Variants in YTHDF2 observed in about 807,000 individuals in gnomAD.
YTHDF2 encodes YTH domain-containing family protein 2.
A neutral mutation model predicts 50.4 loss-of-function variants in YTHDF2; 2 were observed. That is an observed-to-expected ratio of 0.04 (90% CI 0.02 to 0.12). YTHDF2 has a LOEUF of 0.12. Ranked by LOEUF, YTHDF2 falls within the 10% of genes least tolerant of loss-of-function variation. The pLI, the probability that YTHDF2 is intolerant of heterozygous loss-of-function variation, is 1.00. For missense variants in YTHDF2, 483 were observed against 722.6 expected (o/e 0.67, Z 3.80); for synonymous variants, 217 against 255.6 (o/e 0.85, Z 1.44).
At chr1:28,763,354 A>T (rs979820242) in intron 4 of YTHDF2, among the ~76,000 whole-genome samples, 1 of 151,154 alleles carries the variant, frequency 6.6e-6, no homozygotes, top group African/African-American at 2.4e-5. Flanking sequence ...GCTCGCTGCA[A>T]CCTCTGCCCC....
At chr1:28,737,325 G>C in intron 1 of YTHDF2, 178 bp downstream of exon 1, 3 of 813,376 alleles carry the variant, frequency 3.7e-6, no homozygotes, top group Non-Finnish European at 5.4e-6. Flanking sequence ...TGTTCTTCCC[G>C]CTTCTCCTCG....
At chr1:28,758,691 T>G (rs1290161575) in intron 4 of YTHDF2, among the ~76,000 whole-genome samples, 1 of 152,210 alleles carries the variant, frequency 6.6e-6, no homozygotes, top group African/African-American at 2.4e-5. Flanking sequence ...ACTGTCATGT[T>G]ATACATGAAC....
chr1:28,752,830 C>T (rs182088723), intron 4 of YTHDF2, among the ~76,000 whole-genome samples: 1 of 151,896 alleles, frequency 6.6e-6, no homozygotes, highest in African/African-American at 2.4e-5. Context: ...ATTGCCTGAG[C>T]TCAGGAGTTT....
At chr1:28,740,877 G>A (rs1364598566) in intron 3 of YTHDF2, among the ~76,000 whole-genome samples, 1 of 151,142 alleles carries the variant, frequency 6.6e-6, no homozygotes, top group Admixed American at 6.6e-5. Context: ...CTAATTTTTT[G>A]TATTTTTGCT....
At chr1:28,762,870 C>G (rs1375436053) in intron 4 of YTHDF2, among the ~76,000 whole-genome samples, 1 of 152,008 alleles carries the variant, frequency 6.6e-6, no homozygotes, top group African/African-American at 2.4e-5. Context: ...CAGAATCTAG[C>G]TCTGTTGGCT....
intron 4 of YTHDF2, among the ~76,000 whole-genome samples, chr1:28,767,352 TTAAATA>T (rs1202518837): frequency 6.6e-6 from 1 of 152,150 alleles, no homozygotes; most frequent in Non-Finnish European, 1.5e-5. Context: ...GCCAACTAAC[TTAAATA>T]TAAACATGTT....
At chr1:28,742,100 A>C (rs958893100) in intron 3 of YTHDF2, among the ~76,000 whole-genome samples, 1 of 143,596 alleles carries the variant, frequency 7.0e-6, no homozygotes, top group Admixed American at 7.4e-5. Context: ...CACAGGCTGG[A>C]GTGCAGTGGT....
intron 4 of YTHDF2, among the ~76,000 whole-genome samples, chr1:28,747,732 A>G (rs1175266283): frequency 6.6e-6 from 1 of 150,610 alleles, no homozygotes; most frequent in African/African-American, 2.4e-5. Context: ...AAGACTCTTG[A>G]TAAGTGAGTA....
At position 28,736,961 on chromosome 1, in the gene YTHDF2, C is replaced by T. The variant is rs570864474; in HGVS notation, c.-160C>T. ...GGCTAGAGCGTCGCCGAGTCGGAGCCGGAGCCTGAGCCGCGCGCTGTGTCT... is the reference window on the plus strand; with the variant it reads ...GGCTAGAGCGTCGCCGAGTCGGAGCTGGAGCCTGAGCCGCGCGCTGTGTCT... On this transcript the variant is annotated 5_prime_UTR_variant, in exon 1 of 5. Coordinates refer to ENST00000373812, the MANE Select transcript of YTHDF2 (RefSeq NM_016258.3). The T allele has an allele frequency of 3.1e-4, 264 of 863,608 alleles. No individual in the cohort carries two copies. In the African/African-American group the frequency reaches 3.9e-3, roughly 13 times the overall value. The allele number at this position is 863,608 out of a possible 1,614,324, so 53.5% of individuals were successfully genotyped here.
At chr1:28,762,140 C>T (rs2088145460) in intron 4 of YTHDF2, among the ~76,000 whole-genome samples, 1 of 152,192 alleles carries the variant, frequency 6.6e-6, no homozygotes, top group Non-Finnish European at 1.5e-5. Flanking sequence ...CGCTTGTAAT[C>T]CCAGCACTTT....
In YTHDF2 at chr1:28,743,131, C is replaced by T. The variant is rs2087805468; in HGVS notation, c.861C>T (p.Ala287=). 3.7e-6 allele frequency: 6 copies of T among 1,614,124 alleles called. No homozygotes were observed. The highest frequency in any genetic ancestry group is 1.3e-5 in the African/African-American group (1 of 75,042). ...ATAACAAGGGTCCCGTTGCAAAAGCCCCCTCACAGGCTTTGGTTCAGAATA... is the reference window on the plus strand; with the variant it reads ...ATAACAAGGGTCCCGTTGCAAAAGCTCCCTCACAGGCTTTGGTTCAGAATA... ...TWDNKGPVAK[A]PSQALVQNIG... The change falls in exon 4 of 5, where the codon GCC becomes GCT. Residue 287 remains alanine (A), a synonymous_variant. Transcript: ENST00000373812. The surrounding 1 kb of genome is among the most constrained non-coding windows in gnomAD (Gnocchi z 6.9).
chr1:28,762,800 T>C (rs990173997), intron 4 of YTHDF2, among the ~76,000 whole-genome samples: 1 of 152,208 alleles, frequency 6.6e-6, no homozygotes, highest in African/African-American at 2.4e-5. Context: ...TTTGTATATT[T>C]CCTCCAGAGA....
rs2088277421 is a variant in YTHDF2 at position 28,769,729 on chromosome 1, T to A, written c.*777T>A. On this transcript the variant is annotated 3_prime_UTR_variant, in exon 5 of 5. Transcript: ENST00000373812. ...TGAGGAAAGGGCATTGCCTTTCTTTTTACCATTAATCACTTCTCAATAAAC... is the reference window on the plus strand; with the variant it reads ...TGAGGAAAGGGCATTGCCTTTCTTTATACCATTAATCACTTCTCAATAAAC... 6.5e-6 allele frequency: 1 copy of A among 152,692 alleles called. No individual in the cohort carries two copies. Among genetic ancestry groups the A allele is most frequent in the Admixed American group, 6.5e-5 (1 of 15,274 alleles). 9.5% of individuals were successfully genotyped at this position (152,692 alleles called of 1,614,324 possible). A position where few individuals can be genotyped will look rare whatever the true frequency, so the allele number is the denominator to read the frequency against.
chr1:28,737,579 G>C, intron 1 of YTHDF2, 79 bp from the exon 2 acceptor site: 1 of 1,598,832 alleles, frequency 6.3e-7, no homozygotes, highest in Non-Finnish European at 8.6e-7. Flanking sequence ...CTCCCTTCGG[G>C]CCCTGCCTTA....
chr1:28,751,223 A>G (rs1278219388), intron 4 of YTHDF2, among the ~76,000 whole-genome samples: 2 of 151,814 alleles, frequency 1.3e-5, no homozygotes, highest in African/African-American at 4.8e-5. Flanking sequence ...TTACCACTGC[A>G]CTCCAGCCTG....
chr1:28,764,591 T>G (rs2088189616), intron 4 of YTHDF2, among the ~76,000 whole-genome samples: 1 of 150,892 alleles, frequency 6.6e-6, no homozygotes, highest in Non-Finnish European at 1.5e-5. Flanking sequence ...TTATTTTTAG[T>G]AGAGATGGGG....
chr1:28,762,512 A>C (rs1467016165), intron 4 of YTHDF2, among the ~76,000 whole-genome samples: 1 of 152,232 alleles, frequency 6.6e-6, no homozygotes, highest in Non-Finnish European at 1.5e-5. Flanking sequence ...AGGAAAAACT[A>C]GTTGAGAGCT....
Position 28,768,902 on chromosome 1 carries a change from A to T in YTHDF2, c.1717-27A>T, listed in dbSNP as rs576606523. 1.2e-5 allele frequency: 19 copies of T among 1,572,302 alleles called. No homozygotes were observed. The African/African-American group carries it at 2.2e-4, about 18-fold the overall frequency. ...AAGCATGTTCAGATAATTTTTAACC[A>T]TTTCAATTTTTTTCTTACCTCTGTA... On this transcript the variant is annotated intron_variant, in intron 4 of 4. Transcript: ENST00000373812.
chr1:28,742,301 C>G (rs1223113747), intron 3 of YTHDF2, 102 bp from the exon 4 acceptor site: 2 of 1,442,616 alleles, frequency 1.4e-6, no homozygotes, highest in Non-Finnish European at 1.9e-6. Context: ...GGCCTGCACA[C>G]TCCTTTTTAT....
Sources: allele counts gnomAD v4.1 joint callset (sites outside exome capture counted in the v4.1 genomes callset), GRCh38; gene constraint gnomAD v4.1.1; non-coding constraint Gnocchi (gnomAD v3.1); transcripts MANE v1.5; gene names NCBI Gene and HGNC (gene_info 2026-07-23, HGNC 2026-07-21).